FAT1: variants seen among roughly 807,000 people sequenced by gnomAD.
FAT1 encodes FAT atypical cadherin 1.
Under a neutral mutation model 329.8 loss-of-function variants are expected in FAT1, and 171 were observed. That is an observed-to-expected ratio of 0.52 (90% CI 0.46 to 0.59). The LOEUF (loss-of-function observed/expected upper bound fraction) is 0.59. FAT1 is among the 20% of genes least tolerant of loss of function. The pLI, the probability that FAT1 is intolerant of heterozygous loss-of-function variation, is 0.00. For missense variants in FAT1, 5,672 were observed against 5,774.4 expected (o/e 0.98, Z 0.57); for synonymous variants, 2,233 against 2,228.6 (o/e 1.00, Z -0.06).
chr4:186,692,472 C>T (rs1381934568), intron 2 of FAT1, among the ~76,000 whole-genome samples: 2 of 151,978 alleles, frequency 1.3e-5, no homozygotes, highest in African/African-American at 4.8e-5. Context: ...GCCACCACGC[C>T]CGGCTAATTT....
At chr4:186,669,807 C>T (rs936973711) in intron 2 of FAT1, among the ~76,000 whole-genome samples, 3 of 152,170 alleles carry the variant, frequency 2.0e-5, no homozygotes, top group Non-Finnish European at 4.4e-5. Context: ...CGGATACTGA[C>T]GTTGTCTTTC....
intron 3 of FAT1, among the ~76,000 whole-genome samples, chr4:186,654,997 AC>A (rs1253151410): frequency 1.3e-5 from 2 of 152,178 alleles, no homozygotes; most frequent in Admixed American, 1.3e-4. Flanking sequence ...CAAACTCAAA[AC>A]ACAAAACCTC....
At chr4:186,724,249 C>G (rs1390592953), upstream of FAT1, among the ~76,000 whole-genome samples, 1 of 149,848 alleles carries the variant, frequency 6.7e-6, no homozygotes, top group East Asian at 2.0e-4. The surrounding 1 kb of genome is among the most constrained non-coding windows in gnomAD (Gnocchi z 5.3). Flanking sequence ...ATCCCTTTAG[C>G]TTTTCCATAG....
Position 186,603,571 on chromosome 4 carries a change from G to T in FAT1, c.10955C>A (p.Pro3652Gln), listed in dbSNP as rs756919389. 1 of 1,613,966 alleles carries T rather than the reference G, an allele frequency of 6.2e-7. No individual in the cohort carries two copies. The highest frequency in any genetic ancestry group is 8.5e-7 in the Non-Finnish European group (1 of 1,179,892). Residue 3652 changes from proline to glutamine, a missense_variant, in exon 19 of 27, where the codon CCG (proline) becomes CAG (glutamine). Around this residue, in one of 2 missense-constraint regions of FAT1, gnomAD observed 1,706 missense variants for 1,859.1 expected, o/e 0.92. Transcript: ENST00000441802. ...TIAIRFANLT[P>Q]EEFVGDYWRN... ...CCAGTAGTCACCAACGAATTCTTCCGGAGTGAGGTTGGCAAAGCGGATCGC... is the reference window on the plus strand; with the variant it reads ...CCAGTAGTCACCAACGAATTCTTCCTGAGTGAGGTTGGCAAAGCGGATCGC...
At chr4:186,697,412 T>C (rs1744089340) in intron 2 of FAT1, among the ~76,000 whole-genome samples, 1 of 152,188 alleles carries the variant, frequency 6.6e-6, no homozygotes, top group African/African-American at 2.4e-5. Context: ...CAGAAACCGA[T>C]CCCCATGCTC....
At chr4:186,704,646 A>G (rs1262821612) in intron 2 of FAT1, among the ~76,000 whole-genome samples, 1 of 152,182 alleles carries the variant, frequency 6.6e-6, no homozygotes, top group Non-Finnish European at 1.5e-5. Context: ...AAACAGTTTG[A>G]CTCAGCTTCA....
At chr4:186,638,902 A>G (rs1579369240) in intron 4 of FAT1, among the ~76,000 whole-genome samples, 1 of 151,732 alleles carries the variant, frequency 6.6e-6, no homozygotes, top group Non-Finnish European at 1.5e-5. Context: ...GGACAGAGAG[A>G]TGTCTCTACG....
chr4:186,627,040 C>G (rs1579347613), intron 9 of FAT1, among the ~76,000 whole-genome samples: 1 of 114,696 alleles, frequency 8.7e-6, no homozygotes, highest in Non-Finnish European at 1.7e-5. Context: ...GAATGAGGGA[C>G]CAACATGGCA....
chr4:186,630,143 G>A (rs770582628), intron 7 of FAT1, among the ~76,000 whole-genome samples: 1 of 152,162 alleles, frequency 6.6e-6, no homozygotes, highest in Non-Finnish European at 1.5e-5. Context: ...TGCCCTCATA[G>A]AGCCACCAGG....
intron 2 of FAT1, among the ~76,000 whole-genome samples, chr4:186,688,114 G>GAAAAA (rs55834504): frequency 1.8e-5 from 1 of 55,654 alleles, no homozygotes; most frequent in Non-Finnish European, 4.1e-5. Flanking sequence ...ACTCAAAGCT[G>GAAAAA]AAAAAAAAAA....
At chr4:186,662,023 C>A (rs1214691588) in intron 3 of FAT1, among the ~76,000 whole-genome samples, 1 of 148,010 alleles carries the variant, frequency 6.8e-6, no homozygotes, top group African/African-American at 2.5e-5. Flanking sequence ...CGCCCCCCGG[C>A]CAGCCCCCCA....
Position 186,600,162 on chromosome 4 carries a change from C to T in FAT1, c.11839G>A (p.Asp3947Asn), listed in dbSNP as rs2126412806. The T allele has an allele frequency of 6.2e-7, 1 of 1,614,058 alleles. No individual in the cohort carries two copies. Among genetic ancestry groups the T allele is most frequent in the East Asian group, 2.2e-5 (1 of 44,890 alleles). Residue 3947 changes from aspartate to asparagine, a missense_variant, in exon 22 of 27, where the codon GAT becomes AAT. Around this residue, in one of 2 missense-constraint regions of FAT1, gnomAD observed 1,706 missense variants for 1,859.1 expected, o/e 0.92. Coordinates refer to ENST00000441802, the MANE Select transcript of FAT1 (RefSeq NM_005245.4). ...APGTLKTLNLDNYVFFGGHIR... is the reference protein window; with the variant it reads ...APGTLKTLNLNNYVFFGGHIR... ...TGGCCACCAAAAAACACATAGTTAT[C>T]CAGGTTCAGGGTTTTCAGAGTCCCT...
chr4:186,589,352 A>G, intron 26 of FAT1, 132 bp from the exon 27 acceptor site: 1 of 1,029,000 alleles, frequency 9.7e-7, no homozygotes, highest in South Asian at 1.6e-5. Context: ...ACCACTGGAA[A>G]TTCCTCGTCT....
chr4:186,595,689 C>T lies in FAT1; in HGVS notation c.13138G>A (p.Gly4380Arg). ...GTGTTGCAGCACACTGCTGCCTCAC[C>T]ATTGTCATCGCACGATTCGGACTGG... ...SFQSESCDDN[G>R]YHWDTSDWMP... The change falls in exon 26 of 27, where the codon GGG (glycine) becomes AGG (arginine). Residue 4380 changes from glycine to arginine, a missense_variant and splice_region_variant. Coordinates refer to ENST00000441802, the MANE Select transcript of FAT1 (RefSeq NM_005245.4). The T allele has an allele frequency of 6.2e-7, 1 of 1,613,866 alleles. No individual in the cohort carries two copies. The highest frequency in any genetic ancestry group is 8.5e-7 in the Non-Finnish European group (1 of 1,179,868).
At chr4:186,645,875 A>T (rs55692112) in intron 3 of FAT1, among the ~76,000 whole-genome samples, 5,449 of 148,894 alleles carry the variant, frequency 0.037, 329 homozygotes, top group African/African-American at 0.13. Flanking sequence ...GGACCTGGGA[A>T]GCCGAGGTTG....
intron 1 of FAT1, among the ~76,000 whole-genome samples, chr4:186,710,165 AT>A (rs1427068312): frequency 6.6e-6 from 1 of 152,212 alleles, no homozygotes; most frequent in Non-Finnish European, 1.5e-5. Flanking sequence ...ATATTTTTAT[AT>A]TTAAATCGTT....
chr4:186,595,552 G>T (rs922503616), intron 26 of FAT1, 137 bp downstream of exon 26: 2 of 909,694 alleles, frequency 2.2e-6, no homozygotes, highest in Admixed American at 2.5e-5. Flanking sequence ...AAGTATGTAT[G>T]GTATTGTTTA....
intron 16 of FAT1, 79 bp downstream of exon 16, chr4:186,609,104 C>A: frequency 6.5e-7 from 1 of 1,532,196 alleles, no homozygotes; most frequent in African/African-American, 1.4e-5. Context: ...ACACCACGCC[C>A]AGCAGACAAG....
At chr4:186,590,607 G>A (rs900743786) in intron 26 of FAT1, 68 of 457,604 alleles carry the variant, frequency 1.5e-4, no homozygotes, top group Non-Finnish European at 1.8e-4. Flanking sequence ...ATATGGAAGT[G>A]GAGGAAAGTG....
Sources: allele counts gnomAD v4.1 joint callset (sites outside exome capture counted in the v4.1 genomes callset), GRCh38; gene constraint gnomAD v4.1.1; regional missense constraint gnomAD v4.1.1; non-coding constraint Gnocchi (gnomAD v3.1); transcripts MANE v1.5; gene names NCBI Gene and HGNC (gene_info 2026-07-23, HGNC 2026-07-21).